Variants in MAP3K19 observed in about 807,000 individuals in gnomAD.
The protein encoded by MAP3K19 is SPS1/STE20-related protein kinase YSK4.
A neutral mutation model predicts 114.4 loss-of-function variants in MAP3K19; 91 were observed. The ratio of observed to expected loss-of-function variants is 0.80; its 90% CI spans 0.67 to 0.95. The LOEUF (loss-of-function observed/expected upper bound fraction) is 0.95, where lower values mean the gene tolerates loss of function less well. Ranked by LOEUF, MAP3K19 falls within the 40% of genes least tolerant of loss-of-function variation. MAP3K19 has a pLI of 0.00. For missense variants in MAP3K19, 1,471 were observed against 1,573.2 expected (o/e 0.94, Z 1.10); for synonymous variants, 518 against 530.5 (o/e 0.98, Z 0.32).
At chr2:135,026,703 AT>A (rs1439513157) in intron 3 of MAP3K19, among the ~76,000 whole-genome samples, 1 of 152,194 alleles carries the variant, frequency 6.6e-6, no homozygotes, top group Non-Finnish European at 1.5e-5. Flanking sequence ...ACATATAGTA[AT>A]TTTAAGATAA....
chr2:134,997,111 T>C (rs756421335), intron 8 of MAP3K19, among the ~76,000 whole-genome samples: 2 of 152,164 alleles, frequency 1.3e-5, no homozygotes, highest in Non-Finnish European at 2.9e-5. Context: ...ATTTGGGAAC[T>C]AACTTTGTAA....
chr2:135,008,901 C>T (rs1687019415), intron 5 of MAP3K19, among the ~76,000 whole-genome samples: 1 of 152,078 alleles, frequency 6.6e-6, no homozygotes, highest in African/African-American at 2.4e-5. Context: ...ACCTCAGCCT[C>T]CTGAGTAGCT....
Position 134,980,905 on chromosome 2 carries a change from A to T in MAP3K19, c.3836T>A (p.Ile1279Asn). ...AGGCATCAGCCCTCGGTGTGCTCCG[A>T]TGTAAAACATGGCGGCCATCCTGTC... ...SMDRMAAMFY[I>N]GAHRGLMPPL... Residue 1279 changes from isoleucine (I) to asparagine (N), a missense_variant, in exon 12 of 13, where the codon ATC becomes AAC. By Grantham distance (149) the Ile-to-Asn change is moderately radical (BLOSUM62 -3). Coordinates refer to ENST00000392915, the MANE Select transcript of MAP3K19 (RefSeq NM_025052.5). The T allele has an allele frequency of 6.2e-7, 1 of 1,614,216 alleles. No individual in the cohort carries two copies. Among genetic ancestry groups the T allele is most frequent in the South Asian group, 1.1e-5 (1 of 91,082 alleles).
intron 12 of MAP3K19, 122 bp from the exon 13 acceptor site, chr2:134,965,038 G>A (rs1683242385): frequency 2.9e-6 from 2 of 689,614 alleles, no homozygotes; most frequent in African/African-American, 1.8e-5. Flanking sequence ...ACAGACTTGG[G>A]TTGAGTCCAG....
Position 134,987,034 on chromosome 2 carries a change from G to T in MAP3K19, c.1838C>A (p.Ser613Ter), listed in dbSNP as rs1322252077. ...TGGATTTTTACAGATGCAAGGAAATGATTGCTTTTTAGGTTTCTGAGTCCG... is the reference window on the plus strand; with the variant it reads ...TGGATTTTTACAGATGCAAGGAAATTATTGCTTTTTAGGTTTCTGAGTCCG... ...THRTQKPKKQ[S>*]FPCICKNPGT... is the part of the protein sequence containing the mutation. Residue 613 changes from serine to a stop codon, truncating the protein, a stop_gained, in exon 10 of 13, where the codon TCA (serine) becomes TAA (stop). Coordinates refer to ENST00000392915, the MANE Select transcript of MAP3K19 (RefSeq NM_025052.5). LOFTEE classifies it high-confidence loss of function. 5.0e-6 allele frequency: 8 copies of T among 1,613,022 alleles called. No individual in the cohort carries two copies. In the African/African-American group the frequency reaches 9.3e-5, roughly 19 times the overall value.
intron 2 of MAP3K19, among the ~76,000 whole-genome samples, chr2:135,035,016 C>A (rs980928096): frequency 6.6e-6 from 1 of 151,876 alleles, no homozygotes; most frequent in Non-Finnish European, 1.5e-5. Context: ...CATGAATGAA[C>A]CTTGAAAACA....
chr2:135,022,582 G>C (rs1474209476), intron 4 of MAP3K19, among the ~76,000 whole-genome samples: 1 of 152,174 alleles, frequency 6.6e-6, no homozygotes, highest in African/African-American at 2.4e-5. Flanking sequence ...TGAAGCCCCT[G>C]AAGTTATTTC....
At chr2:135,021,239 G>A (rs1687950483) in intron 5 of MAP3K19, among the ~76,000 whole-genome samples, 1 of 152,062 alleles carries the variant, frequency 6.6e-6, no homozygotes, top group African/African-American at 2.4e-5. Flanking sequence ...CCTCATGATG[G>A]GATTAGTGCC....
intron 11 of MAP3K19, 67 bp downstream of exon 11, chr2:134,983,609 G>C: frequency 3.5e-6 from 4 of 1,144,520 alleles, no homozygotes; most frequent in Non-Finnish European, 3.7e-6. Context: ...TGGGGGAGTG[G>C]GAGGGGTGGA....
chr2:135,032,619 A>AT (rs1432456636), intron 2 of MAP3K19, among the ~76,000 whole-genome samples: 1 of 150,018 alleles, frequency 6.7e-6, no homozygotes, highest in African/African-American at 2.5e-5. Flanking sequence ...TATTTTATTT[A>AT]TTTATTTTTT....
In MAP3K19 at chr2:134,986,392, T is replaced by C; in HGVS notation, c.2480A>G (p.Asn827Ser). Residue 827 changes from asparagine (N) to serine (S), a missense_variant, in exon 10 of 13, where the codon AAT becomes AGT. Asn to Ser is a conservative substitution (Grantham distance 46). Coordinates refer to ENST00000392915, the MANE Select transcript of MAP3K19 (RefSeq NM_025052.5). The part of the protein sequence containing the change: ...ESTGDRDISN[N>S]QILTTSLRDL... ...TCTGAGGCTTGTGGTGAGTATTTGA[T>C]TGTTAGAAATGTCTCTATCACCAGT... 6.2e-7 allele frequency: 1 copy of C among 1,613,924 alleles called. No homozygotes were observed. Among genetic ancestry groups the C allele is most frequent in the Non-Finnish European group, 8.5e-7 (1 of 1,180,012 alleles).
chr2:135,032,519 A>T (rs900454868), intron 2 of MAP3K19, among the ~76,000 whole-genome samples: 1 of 151,900 alleles, frequency 6.6e-6, no homozygotes, highest in Admixed American at 6.5e-5. Context: ...AGCATTATTC[A>T]TAGTAACCAA....
At chr2:134,979,651 T>TTTG (rs1684489078) in intron 12 of MAP3K19, among the ~76,000 whole-genome samples, 1 of 150,150 alleles carries the variant, frequency 6.7e-6, no homozygotes, top group Non-Finnish European at 1.5e-5. Context: ...GTTTTTTTTT[T>TTTG]TTTTTTTTTT....
intron 12 of MAP3K19, among the ~76,000 whole-genome samples, chr2:134,971,814 G>A (rs542941964): frequency 6.1e-5 from 9 of 148,292 alleles, no homozygotes; most frequent in East Asian, 5.9e-4. Flanking sequence ...TTTTTTCTTG[G>A]TTAGTCTAGC....
chr2:134,979,946 G>T (rs1684515189), intron 12 of MAP3K19, among the ~76,000 whole-genome samples: 2 of 152,178 alleles, frequency 1.3e-5, no homozygotes, highest in African/African-American at 4.8e-5. Context: ...GTTGGGGGTT[G>T]CCATATGTGC....
Position 134,981,332 on chromosome 2 carries a change from TCA to T in MAP3K19, c.3407_3408del (p.Val1136GlufsTer14), listed in dbSNP as rs1299289534. The T allele has an allele frequency of 6.2e-7, 1 of 1,614,230 alleles. No individual in the cohort carries two copies. Among genetic ancestry groups the T allele is most frequent in the Non-Finnish European group, 8.5e-7 (1 of 1,180,038 alleles). Reference protein sequence around the residue: ...YLGTCLQENTVSIFMEFVPGG... With the variant: ...YLGTCLQENTXSIFMEFVPGG... ...CCAGGAACAAACTCCATGAAAATGC[TCA>T]CAGTGTTCTCTTGCAAGCATGTCCC... On this transcript the variant is annotated frameshift_variant, in exon 12 of 13. Transcript: ENST00000392915. LOFTEE classifies it high-confidence loss of function.
Position 134,999,083 on chromosome 2 carries a change from G to C in MAP3K19, c.315-86C>G. On this transcript the variant is annotated intron_variant, in intron 7 of 12. Transcript: ENST00000392915. This position sits in a 1 kb window ranked among gnomAD's most constrained non-coding sequence, Gnocchi z 4.1. ...TCCTCAGTTCAGCCTGACATCACTAGAAAGTTTGAAGAACTACTTCCAAAT... is the reference window on the plus strand; with the variant it reads ...TCCTCAGTTCAGCCTGACATCACTACAAAGTTTGAAGAACTACTTCCAAAT... 1 of 1,440,970 alleles carries C rather than the reference G, an allele frequency of 6.9e-7. No individual in the cohort carries two copies. The highest frequency in any genetic ancestry group is 1.3e-5 in the South Asian group (1 of 74,160). The allele number at this position is 1,440,970 out of a possible 1,614,324, so 89.3% of individuals were successfully genotyped here. A position where few individuals can be genotyped will look rare whatever the true frequency, so the allele number is the denominator to read the frequency against.
At chr2:135,002,129 C>A (rs1452612557) in intron 6 of MAP3K19, among the ~76,000 whole-genome samples, 1 of 152,128 alleles carries the variant, frequency 6.6e-6, no homozygotes, top group Non-Finnish European at 1.5e-5. Flanking sequence ...AACACTTGCT[C>A]TTAGCAAGTG....
intron 1 of MAP3K19, among the ~76,000 whole-genome samples, chr2:135,042,273 C>T (rs1360256753): frequency 6.6e-6 from 1 of 151,316 alleles, no homozygotes; most frequent in Non-Finnish European, 1.5e-5. Flanking sequence ...GAGGCCGAGG[C>T]GGGCGGATCA....
Sources: allele counts gnomAD v4.1 joint callset (sites outside exome capture counted in the v4.1 genomes callset), GRCh38; gene constraint gnomAD v4.1.1; non-coding constraint Gnocchi (gnomAD v3.1); transcripts MANE v1.5; gene names NCBI Gene and HGNC (gene_info 2026-07-23, HGNC 2026-07-21).